The following CCDC171 variants were observed in gnomAD, a reference collection of about 807,000 sequenced individuals.
The protein encoded by CCDC171 is coiled-coil domain-containing protein 171.
A neutral mutation model predicts 168.2 loss-of-function variants in CCDC171; 177 were observed. The observed-to-expected ratio is 1.05, with a 90% CI of 0.93 to 1.19. The LOEUF (loss-of-function observed/expected upper bound fraction) is 1.19, where lower values mean the gene tolerates loss of function less well. CCDC171 is among the 50% of genes most tolerant of loss of function. The pLI is 0.00. For synonymous variants in CCDC171, 687 were observed against 540.8 expected, an observed-to-expected ratio of 1.27 and a Z score of -3.75; for missense variants, 1,991 against 1,539.0, an observed-to-expected ratio of 1.29 and a Z score of -4.91.
intron 24 of CCDC171, among the ~76,000 whole-genome samples, chr9:15,879,125 T>TA (rs1228330047): frequency 6.6e-6 from 1 of 151,946 alleles, no homozygotes; most frequent in Non-Finnish European, 1.5e-5. Flanking sequence ...AAATAAAAGT[T>TA]AAAAAAAATC....
At chr9:15,969,681 A>G (rs1004142650) in intron 25 of CCDC171, among the ~76,000 whole-genome samples, 4 of 152,196 alleles carry the variant, frequency 2.6e-5, no homozygotes, top group African/African-American at 9.7e-5. Flanking sequence ...TACTGTGGCT[A>G]TAACTATGTT....
intron 11 of CCDC171, among the ~76,000 whole-genome samples, chr9:15,707,366 T>G (rs2052327105): frequency 6.6e-6 from 1 of 152,246 alleles, no homozygotes. Context: ...AATATTTTGT[T>G]TCAGGCATAG....
chr9:15,904,169 T>C (rs200346293), intron 24 of CCDC171, among the ~76,000 whole-genome samples: 3 of 151,994 alleles, frequency 2.0e-5, no homozygotes, highest in Admixed American at 1.3e-4. Context: ...TCAGGAAATA[T>C]AGAGAATGCC....
chr9:15,562,463 T>C (rs2039387172), intron 1 of CCDC171, among the ~76,000 whole-genome samples: 1 of 152,216 alleles, frequency 6.6e-6, no homozygotes. Flanking sequence ...CTATGGAAGA[T>C]GCTATCTCTC....
At chr9:15,910,411 G>T (rs554811331) in intron 24 of CCDC171, among the ~76,000 whole-genome samples, 10 of 152,216 alleles carry the variant, frequency 6.6e-5, no homozygotes, top group Non-Finnish European at 2.9e-5. Context: ...TCTCCATTCT[G>T]TTCCATTGAT....
At chr9:15,749,185 C>A (rs991042776) in intron 18 of CCDC171, among the ~76,000 whole-genome samples, 24 of 150,022 alleles carry the variant, frequency 1.6e-4, no homozygotes, top group Non-Finnish European at 3.4e-4. Flanking sequence ...GTCTCTGATA[C>A]AACAGACTTT....
the CCDC171 span, among the ~76,000 whole-genome samples, chr9:16,092,390 T>G: frequency 6.6e-6 from 1 of 152,158 alleles, no homozygotes; most frequent in Non-Finnish European, 1.5e-5. Flanking sequence ...TTAGTGTGTT[T>G]CCAGGTGAGT....
intron 21 of CCDC171, among the ~76,000 whole-genome samples, chr9:15,813,039 G>A (rs962154919): frequency 6.6e-6 from 1 of 152,018 alleles, no homozygotes; most frequent in Non-Finnish European, 1.5e-5. Flanking sequence ...TGCAAATAAG[G>A]GTGAACAGAA....
At chr9:15,916,580 C>T (rs958535359) in intron 24 of CCDC171, among the ~76,000 whole-genome samples, 2 of 151,888 alleles carry the variant, frequency 1.3e-5, no homozygotes, top group African/African-American at 4.8e-5. Flanking sequence ...TATCAGTCCC[C>T]CAACTATCCC....
At chr9:15,875,975 G>C (rs1817789680) in intron 24 of CCDC171, 1 of 152,004 alleles carries the variant, frequency 6.6e-6, no homozygotes, top group Admixed American at 6.6e-5. Context: ...AGTCTGATTT[G>C]AGATTTTTCT....
intron 7 of CCDC171, among the ~76,000 whole-genome samples, chr9:15,642,884 T>C (rs1432702568): frequency 6.6e-6 from 1 of 152,152 alleles, no homozygotes; most frequent in Non-Finnish European, 1.5e-5. Context: ...AATTAATATA[T>C]ATACAAGAAG....
the CCDC171 span, among the ~76,000 whole-genome samples, chr9:16,092,350 C>T: frequency 1.3e-5 from 2 of 152,188 alleles, no homozygotes; most frequent in Non-Finnish European, 2.9e-5. Context: ...CTGCCAGCTC[C>T]AAAGGTGTGG....
chr9:15,877,915 T>C (rs1034295266), intron 24 of CCDC171, among the ~76,000 whole-genome samples: 3 of 152,092 alleles, frequency 2.0e-5, no homozygotes, highest in African/African-American at 7.2e-5. Flanking sequence ...GATTCAGTAG[T>C]AAACAATAAA....
At chr9:15,633,470 T>G (rs1195577136) in intron 7 of CCDC171, among the ~76,000 whole-genome samples, 3 of 152,088 alleles carry the variant, frequency 2.0e-5, no homozygotes, top group Non-Finnish European at 2.9e-5. Flanking sequence ...AAAATCACAA[T>G]GAGATACCAT....
At chr9:15,605,512 TA>T (rs1185975272) in intron 6 of CCDC171, among the ~76,000 whole-genome samples, 4 of 97,320 alleles carry the variant, frequency 4.1e-5, no homozygotes, top group Non-Finnish European at 7.7e-5. Flanking sequence ...ACCCTGTCTC[TA>T]CTAAAAAAAA....
intron 25 of CCDC171, among the ~76,000 whole-genome samples, chr9:15,937,406 C>A (rs1827234204): frequency 1.3e-5 from 2 of 152,040 alleles, no homozygotes; most frequent in South Asian, 4.2e-4. Flanking sequence ...CATGTATTTA[C>A]ACCTTCCAGG....
At chr9:15,803,174 C>A (rs143380669) in intron 21 of CCDC171, among the ~76,000 whole-genome samples, 51 of 152,128 alleles carry the variant, frequency 3.4e-4, no homozygotes, top group African/African-American at 1.2e-3. Flanking sequence ...TTGTCAGATG[C>A]ATAGAATTGC....
At chr9:15,806,490 T>G (rs1266197192) in intron 21 of CCDC171, among the ~76,000 whole-genome samples, 1 of 152,200 alleles carries the variant, frequency 6.6e-6, no homozygotes, top group Non-Finnish European at 1.5e-5. Context: ...CCTTCGCTTA[T>G]GAAGCATAGT....
chr9:15,730,819 C>T (rs908468742), intron 16 of CCDC171, among the ~76,000 whole-genome samples: 11 of 151,914 alleles, frequency 7.2e-5, no homozygotes, highest in African/African-American at 2.4e-4. Flanking sequence ...ATATTATATG[C>T]TCTGCATTTT....
Sources: gnomAD v4.1 joint callset for allele counts (sites outside exome capture counted in the v4.1 genomes callset) on GRCh38, gnomAD v4.1.1 for gene constraint, MANE v1.5 for transcripts, NCBI Gene and HGNC (gene_info 2026-07-23, HGNC 2026-07-21) for gene names.